The following KIAA1549L variants were observed in gnomAD, a reference collection of about 807,000 sequenced individuals.
The protein encoded by KIAA1549L is UPF0606 protein KIAA1549L.
KIAA1549L carries 88 observed loss-of-function variants against 160.7 expected under a neutral mutation model. The observed-to-expected ratio is 0.55, with a 90% CI of 0.46 to 0.65. The LOEUF is 0.65. Ranked by LOEUF, KIAA1549L falls within the 30% of genes least tolerant of loss-of-function variation. The pLI, the probability that KIAA1549L is intolerant of heterozygous loss-of-function variation, is 0.00. For missense variants in KIAA1549L, 2,258 were observed against 2,437.5 expected, an observed-to-expected ratio of 0.93 and a Z score of 1.55; for synonymous variants, 950 against 976.7, an observed-to-expected ratio of 0.97 and a Z score of 0.51.
rs372664764 is a variant in KIAA1549L at position 33,544,269 on chromosome 11, G to A, written c.2706G>A (p.Ser902=). The A allele has an allele frequency of 8.1e-5, 130 of 1,613,786 alleles. No individual in the cohort carries two copies. In the East Asian group the frequency reaches 2.7e-3, roughly 34 times the overall value. The change falls in exon 2 of 21, where the codon TCG becomes TCA. Residue 902 remains serine (S), a synonymous_variant. Transcript: ENST00000658780. ...GYHSAAESSI[S]TSVFPRTSSR... ...ACTCTGCTGCTGAATCTTCTATATC[G>A]ACCAGTGTCTTTCCCAGGACCTCCT...
intron 1 of KIAA1549L, among the ~76,000 whole-genome samples, chr11:33,487,572 G>A (rs1362558457): frequency 6.6e-6 from 1 of 152,064 alleles, no homozygotes; most frequent in African/African-American, 2.4e-5. Flanking sequence ...TTTCTGCCTT[G>A]CCTTCAGAAG....
In KIAA1549L at chr11:33,435,814, G is replaced by GTATATATATATA. The variant is rs751404275; in HGVS notation, c.238+58926_238+58927insATATATATATAT. Among the ~76,000 whole-genome samples, 39 of 32,750 alleles carry GTATATATATATA rather than the reference G, an allele frequency of 1.2e-3. 4 individuals carry two copies. In the East Asian group the frequency reaches 0.018, roughly 15 times the overall value. 21.5% of individuals were successfully genotyped at this position (32,750 alleles called of 152,430 possible). ...TATATATATATATATATATATATGT[G>GTATATATATATA]TGTGTATATATATATATGTATATGT... On this transcript the variant is annotated intron_variant, in intron 1 of 20. Transcript: ENST00000658780.
chr11:33,387,357 G>A (rs1329419621), intron 1 of KIAA1549L, among the ~76,000 whole-genome samples: 1 of 151,828 alleles, frequency 6.6e-6, no homozygotes, highest in Non-Finnish European at 1.5e-5. Flanking sequence ...CCAGGCTGGA[G>A]TGCAGTGGCA....
rs1590328979 is a variant in KIAA1549L, at chr11:33,545,125, A to G, written c.3132A>G (p.Lys1044=). The change falls in exon 3 of 21, where the codon AAA becomes AAG. Residue 1044 remains lysine (K), a synonymous_variant. Transcript: ENST00000658780. ...TGTCTACAACTTACCTCCCCAGGAA[A>G]CCACAAGCCATGCACACCGGCCTCC... ...GLLSTTYLPR[K]PQAMHTGLPN... 6.2e-7 allele frequency: 1 copy of G among 1,613,980 alleles called. No individual in the cohort carries two copies. The highest frequency in any genetic ancestry group is 1.3e-5 in the African/African-American group (1 of 75,026).
At chr11:33,425,703 A>G (rs1187135449) in intron 1 of KIAA1549L, among the ~76,000 whole-genome samples, 2 of 152,230 alleles carry the variant, frequency 1.3e-5, no homozygotes, top group South Asian at 4.1e-4. Context: ...CTGGAATTCT[A>G]TTTCACTTTG....
chr11:33,618,069 T>C (rs1327675680), intron 15 of KIAA1549L, among the ~76,000 whole-genome samples: 2 of 152,218 alleles, frequency 1.3e-5, no homozygotes, highest in African/African-American at 2.4e-5. Flanking sequence ...ACAGTCATAA[T>C]GTTAAGCAGC....
At chr11:33,498,654 A>G (rs1402821445) in intron 1 of KIAA1549L, among the ~76,000 whole-genome samples, 1 of 152,186 alleles carries the variant, frequency 6.6e-6, no homozygotes, top group African/African-American at 2.4e-5. Context: ...ATGTCCTAGA[A>G]CATTTCTTCC....
At chr11:33,614,531 G>GCTAT (rs879500574) in intron 15 of KIAA1549L, among the ~76,000 whole-genome samples, 1,049 of 27,088 alleles carry the variant, frequency 0.039, 380 homozygotes, top group East Asian at 0.059. Flanking sequence ...AGTGTAACAA[G>GCTAT]ATATATATAT....
intron 1 of KIAA1549L, among the ~76,000 whole-genome samples, chr11:33,383,814 G>T (rs1850120648): frequency 6.6e-6 from 1 of 152,162 alleles, no homozygotes. Context: ...GAGGCTCAGG[G>T]TGCCATAGTT....
Position 33,633,393 on chromosome 11 carries a change from G to A in KIAA1549L, c.5410-12293G>A, listed in dbSNP as rs1010393417. On this transcript the variant is annotated intron_variant, in intron 16 of 20. Transcript: ENST00000658780. ...ATTCACTGTGAGCTCGGGAAGTCCA[G>A]GCTACAGTCAGAGGTTCATGTTTTA... Among the ~76,000 whole-genome samples, 4 of 152,160 alleles carry A rather than the reference G, an allele frequency of 2.6e-5. No individual in the cohort carries two copies. The South Asian group carries it at 6.2e-4, about 24-fold the overall frequency.
intron 1 of KIAA1549L, among the ~76,000 whole-genome samples, chr11:33,400,041 A>G (rs896888084): frequency 6.6e-6 from 1 of 152,194 alleles, no homozygotes; most frequent in Non-Finnish European, 1.5e-5. Context: ...TTTAAGAGAG[A>G]TGTTTAATAA....
chr11:33,630,425 C>A (rs548184447), intron 16 of KIAA1549L, among the ~76,000 whole-genome samples: 1 of 152,394 alleles, frequency 6.6e-6, no homozygotes, highest in South Asian at 2.1e-4. Flanking sequence ...TGCTAGCAAT[C>A]AGCGAGACTC....
At chr11:33,495,447 G>T (rs1182537857) in intron 1 of KIAA1549L, among the ~76,000 whole-genome samples, 5 of 152,046 alleles carry the variant, frequency 3.3e-5, no homozygotes, top group Admixed American at 3.3e-4. Flanking sequence ...CCCTACAAAG[G>T]ACATGAACTC....
At chr11:33,516,139 C>CTTTT (rs927894187) in intron 1 of KIAA1549L, among the ~76,000 whole-genome samples, 16 of 43,290 alleles carry the variant, frequency 3.7e-4, no homozygotes, top group South Asian at 7.8e-4. Flanking sequence ...GGAGGTGATT[C>CTTTT]TTTTTTTTTT....
At position 33,544,908 on chromosome 11, in the gene KIAA1549L, C is replaced by G; in HGVS notation, c.2915C>G (p.Pro972Arg). ...AGCCCTTTGGCCGTGGCCTCAGGAC[C>G]AGCTAAGAGCAGTTCGATGACTACT... ...SSSPLAVASG[P>R]AKSSSMTTLA... Residue 972 changes from proline (P) to arginine (R), a missense_variant, in exon 3 of 21, where the codon CCA becomes CGA. Coordinates refer to ENST00000658780, the MANE Select transcript of KIAA1549L (RefSeq NM_012194.3). 2 of 1,613,386 alleles carry G rather than the reference C, an allele frequency of 1.2e-6. No homozygotes were observed. Among genetic ancestry groups the G allele is most frequent in the East Asian group, 2.2e-5 (1 of 44,830 alleles).
At chr11:33,525,170 G>A (rs60526847) in intron 1 of KIAA1549L, among the ~76,000 whole-genome samples, 12,516 of 152,090 alleles carry the variant, frequency 0.082, 741 homozygotes, top group East Asian at 0.31. Flanking sequence ...CAGGAAAACC[G>A]AAATAATTCA....
In KIAA1549L at chr11:33,568,109, T is replaced by C. The variant is rs1248838695; in HGVS notation, c.4112T>C (p.Leu1371Pro). 1 of 1,612,356 alleles carries C rather than the reference T, an allele frequency of 6.2e-7. No individual in the cohort carries two copies. ...LQGVDNSLVG[L>P]HNQSFARVME... is the part of the protein sequence containing the mutation. ...GGTGTGGACAATTCGCTGGTGGGCCTGCACAACCAGAGCTTTGCCCGGGTC... is the reference window on the plus strand; with the variant it reads ...GGTGTGGACAATTCGCTGGTGGGCCCGCACAACCAGAGCTTTGCCCGGGTC... The change falls in exon 9 of 21, where the codon CTG becomes CCG. Residue 1371 changes from leucine to proline, a missense_variant. This residue lies in a region of KIAA1549L where 1,359 missense variants were observed against 1,546.6 expected (regional missense o/e 0.88). Coordinates refer to ENST00000658780, the MANE Select transcript of KIAA1549L (RefSeq NM_012194.3).
chr11:33,417,868 C>G (rs1396425354), intron 1 of KIAA1549L, among the ~76,000 whole-genome samples: 2 of 152,192 alleles, frequency 1.3e-5, no homozygotes, highest in Non-Finnish European at 2.9e-5. Flanking sequence ...ACCTTCGCCT[C>G]TTGGGTTCCA....
At chr11:33,653,519 G>T (rs951682245) in intron 17 of KIAA1549L, among the ~76,000 whole-genome samples, 1 of 152,136 alleles carries the variant, frequency 6.6e-6, no homozygotes, top group African/African-American at 2.4e-5. Flanking sequence ...GGCCTTTTGG[G>T]CTGCTTTTAA....
Sources: gnomAD v4.1 joint callset for allele counts (sites outside exome capture counted in the v4.1 genomes callset) on GRCh38, gnomAD v4.1.1 for gene constraint, gnomAD v4.1.1 regional missense constraint, MANE v1.5 for transcripts, NCBI Gene and HGNC (gene_info 2026-07-23, HGNC 2026-07-21) for gene names.